The following EIF2B1 variants were observed in gnomAD, a reference collection of about 807,000 sequenced individuals.
EIF2B1 encodes eukaryotic translation initiation factor 2B subunit alpha.
A neutral mutation model predicts 36.8 loss-of-function variants in EIF2B1; 30 were observed. The ratio of observed to expected loss-of-function variants is 0.81; its 90% CI spans 0.61 to 1.10. EIF2B1 has a LOEUF of 1.10. Ranked by LOEUF, EIF2B1 falls within the 50% of genes least tolerant of loss-of-function variation. The probability of loss-of-function intolerance (pLI) is 0.00; values close to 1 mark genes in which losing one functional copy is unlikely to be tolerated. For synonymous variants in EIF2B1, 139 were observed against 142.2 expected (o/e 0.98, Z 0.16); for missense variants, 271 against 374.8 (o/e 0.72, Z 2.29).
rs777716603 is a variant in EIF2B1, at chr12:123,626,512, G to C, written c.483-19C>G. 6.2e-7 allele frequency: 1 copy of C among 1,613,876 alleles called. No individual in the cohort carries two copies. Among genetic ancestry groups the C allele is most frequent in the Admixed American group, 1.7e-5 (1 of 60,014 alleles). On this transcript the variant is annotated intron_variant, in intron 5 of 8. Coordinates refer to ENST00000424014, the MANE Select transcript of EIF2B1 (RefSeq NM_001414.4). ...TTTCTTACTGAAGATGACATTTTGA[G>C]AACGTTAGAGAAAGTACAAGACAGT... is the stretch of plus-strand genomic sequence containing the variant.
At chr12:123,626,226 A>G (rs1044333878) in intron 6 of EIF2B1, 199 bp downstream of exon 6, 11 of 617,662 alleles carry the variant, frequency 1.8e-5, no homozygotes, top group East Asian at 8.5e-5. Context: ...ACTCTCCCCA[A>G]CATCCTACAG....
intron 8 of EIF2B1, 151 bp from the exon 9 acceptor site, chr12:123,622,071 G>A: frequency 8.7e-7 from 1 of 1,143,460 alleles, no homozygotes; most frequent in Non-Finnish European, 1.3e-6. Context: ...GACGAGGGCA[G>A]AGTTGTGGCC....
chr12:123,633,590 C>G lies in EIF2B1; in HGVS notation c.-33G>C, dbSNP rs1327980282. ...TCCTGCTGCGGAGCCCCAGGGGACC[C>G]GAGCCGCCCGCGCTGTCTCGAACGG... On this transcript the variant is annotated 5_prime_UTR_variant, in exon 1 of 9. Coordinates refer to ENST00000424014, the MANE Select transcript of EIF2B1 (RefSeq NM_001414.4). The G allele has an allele frequency of 6.2e-7, 1 of 1,606,300 alleles. No homozygotes were observed. Among genetic ancestry groups the G allele is most frequent in the African/African-American group, 1.3e-5 (1 of 75,020 alleles).
rs1278744613 is a variant in EIF2B1 at position 123,627,066 on chromosome 12, CTG to C, written c.458_459del (p.Thr153ArgfsTer5). 3 of 1,614,088 alleles carry C rather than the reference CTG, an allele frequency of 1.9e-6. No homozygotes were observed. Among genetic ancestry groups the C allele is most frequent in the Non-Finnish European group, 2.5e-6 (3 of 1,180,054 alleles). Reference protein sequence around the residue: ...AAKKRFSVYVTESQPDLSGKK... With the variant: ...AAKKRFSVYVXESQPDLSGKK... The stretch of plus-strand genomic sequence containing the variant: ...TGCCCTGACAAATCAGGCTGTGACT[CTG>C]TGACGTATACACTAAATCGCTTCTT... On this transcript the variant is annotated frameshift_variant, in exon 5 of 9. Coordinates refer to ENST00000424014, the MANE Select transcript of EIF2B1 (RefSeq NM_001414.4). LOFTEE classifies it high-confidence loss of function.
rs1444111902 is a variant in EIF2B1, at chr12:123,627,173, C to T, written c.370-17G>A. The T allele has an allele frequency of 6.2e-7, 1 of 1,609,438 alleles. No homozygotes were observed. The highest frequency in any genetic ancestry group is 1.7e-5 in the Admixed American group (1 of 60,008). On this transcript the variant is annotated splice_polypyrimidine_tract_variant and intron_variant, in intron 4 of 8. Coordinates refer to ENST00000424014, the MANE Select transcript of EIF2B1 (RefSeq NM_001414.4). The stretch of plus-strand genomic sequence containing the variant: ...CAATATTGTCTGTGGACCGAGAAAG[C>T]TTTGTCAAAGGGGCAGGCTCCTTGC...
At chr12:123,622,025 G>C (rs1315418604) in intron 8 of EIF2B1, 105 bp from the exon 9 acceptor site, 21 of 1,462,254 alleles carry the variant, frequency 1.4e-5, no homozygotes, top group South Asian at 2.4e-5. Context: ...ACTGCTCTCT[G>C]AAAATGGGAG....
intron 8 of EIF2B1, 38 bp downstream of exon 8, chr12:123,622,598 T>G (rs1261377973): frequency 1.2e-5 from 19 of 1,613,168 alleles, no homozygotes; most frequent in Non-Finnish European, 1.5e-5. Flanking sequence ...GGTTTCTGTT[T>G]AGACTTTAGT....
intron 8 of EIF2B1, among the ~76,000 whole-genome samples, chr12:123,622,222 G>C (rs886781249): frequency 6.6e-6 from 1 of 152,146 alleles, no homozygotes; most frequent in Non-Finnish European, 1.5e-5. Flanking sequence ...AGCTTGCAGC[G>C]TGCCAGGGAC....
At chr12:123,626,202 T>C (rs2135762971) in intron 6 of EIF2B1, 1 of 583,760 alleles carries the variant, frequency 1.7e-6, no homozygotes, top group Non-Finnish European at 3.1e-6. Context: ...CATAAAGCTA[T>C]AGACACAACT....
intron 1 of EIF2B1, 125 bp downstream of exon 1, chr12:123,633,420 C>T (rs1362856773): frequency 2.1e-6 from 3 of 1,450,850 alleles, no homozygotes; most frequent in Admixed American, 3.4e-5. Context: ...TCTGGAAACA[C>T]AACCAGCGGA....
chr12:123,622,738 C>T lies in EIF2B1; in HGVS notation c.651G>A (p.Val217=). The T allele has an allele frequency of 6.2e-7, 1 of 1,614,086 alleles. No individual in the cohort carries two copies. The highest frequency in any genetic ancestry group is 1.1e-5 in the South Asian group (1 of 91,086). ...INKIGTNQMA[V]CAKAQNKPFY... Reference sequence around the variant, plus strand: ...AAGGTTTGTTCTGTGCTTTGGCACACACAGCCATCTGGTTGGTTCCAATCT... The same window carrying T: ...AAGGTTTGTTCTGTGCTTTGGCACATACAGCCATCTGGTTGGTTCCAATCT... The change falls in exon 8 of 9, where the codon GTG becomes GTA. Residue 217 remains valine (V), a synonymous_variant. Transcript: ENST00000424014.
chr12:123,632,040 C>A (rs564672515), intron 2 of EIF2B1, among the ~76,000 whole-genome samples: 2 of 151,848 alleles, frequency 1.3e-5, no homozygotes, highest in East Asian at 1.9e-4. Flanking sequence ...GAGGCCAAAG[C>A]GGGCAGATTG....
chr12:123,621,921 C>T lies in EIF2B1; in HGVS notation c.754-1G>A, dbSNP rs1200603223. 2.5e-6 allele frequency: 4 copies of T among 1,613,920 alleles called. No individual in the cohort carries two copies. In the East Asian group the frequency reaches 8.9e-5, roughly 36 times the overall value. Reference sequence around the variant, plus strand: ...CGACCTTGAGAGTGTCTGCCTTATACTGAGGAGAGAAGTACACATTAGTCG... The same window carrying T: ...CGACCTTGAGAGTGTCTGCCTTATATTGAGGAGAGAAGTACACATTAGTCG... On this transcript the variant is annotated splice_acceptor_variant, in intron 8 of 8. Transcript: ENST00000424014. LOFTEE classifies it high-confidence loss of function.
At position 123,620,628 on chromosome 12, in the gene EIF2B1, A is replaced by AT. The variant is rs1955073997; in HGVS notation, c.*1127_*1128insA. The AT allele has an allele frequency of 5.4e-4, 50 of 93,018 alleles. 2 individuals carry two copies. Among genetic ancestry groups the AT allele is most frequent in the African/African-American group, 1.5e-3 (38 of 24,838 alleles). The allele number at this position is 93,018 out of a possible 1,614,324, so 5.8% of individuals were successfully genotyped here. On this transcript the variant is annotated 3_prime_UTR_variant, in exon 9 of 9. Coordinates refer to ENST00000424014, the MANE Select transcript of EIF2B1 (RefSeq NM_001414.4). ...TATATATATATATATATATATATAT[A>AT]AGCTCTTTTTTCTGAGGCTATTTTA...
At chr12:123,625,791 T>C (rs910461027) in intron 6 of EIF2B1, among the ~76,000 whole-genome samples, 3 of 152,184 alleles carry the variant, frequency 2.0e-5, no homozygotes, top group Admixed American at 6.5e-5. Context: ...AGAGCCCTGA[T>C]TACCCTCTGC....
At position 123,630,307 on chromosome 12, in the gene EIF2B1, G is replaced by A. The variant is rs374302327; in HGVS notation, c.253-22C>T. 4 of 1,613,878 alleles carry A rather than the reference G, an allele frequency of 2.5e-6. No individual in the cohort carries two copies. The highest frequency in any genetic ancestry group is 2.5e-6 in the Non-Finnish European group (3 of 1,179,886). The stretch of plus-strand genomic sequence containing the variant: ...AATCCTAGGAAGAAAAGAGCAAACT[G>A]AGGGGACAGGGAAGATCCAGTTAAT... On this transcript the variant is annotated intron_variant, in intron 3 of 8. Coordinates refer to ENST00000424014, the MANE Select transcript of EIF2B1 (RefSeq NM_001414.4). This position sits in a 1 kb window ranked among gnomAD's most constrained non-coding sequence, Gnocchi z 4.6.
intron 6 of EIF2B1, 41 bp downstream of exon 6, chr12:123,626,384 G>C (rs771366452): frequency 6.2e-7 from 1 of 1,612,264 alleles, no homozygotes; most frequent in Non-Finnish European, 8.5e-7. Flanking sequence ...GCCAGCATGG[G>C]GTGGGGGAGG....
chr12:123,627,753 C>A (rs1955159434), intron 4 of EIF2B1, among the ~76,000 whole-genome samples: 1 of 152,156 alleles, frequency 6.6e-6, no homozygotes, highest in African/African-American at 2.4e-5. Context: ...ACTTGGGAGG[C>A]CGAGGTGGGA....
At chr12:123,623,314 C>T (rs770265154) in intron 7 of EIF2B1, among the ~76,000 whole-genome samples, 3 of 152,020 alleles carry the variant, frequency 2.0e-5, no homozygotes, top group Admixed American at 6.5e-5. Context: ...TGAACCCGGG[C>T]ACTGGAGGTT....
Sources: allele counts gnomAD v4.1 joint callset (sites outside exome capture counted in the v4.1 genomes callset), GRCh38; gene constraint gnomAD v4.1.1; non-coding constraint Gnocchi (gnomAD v3.1); transcripts MANE v1.5; gene names NCBI Gene and HGNC (gene_info 2026-07-23, HGNC 2026-07-21).